Variants in ADGRB3 observed in about 807,000 individuals in gnomAD.
The protein encoded by ADGRB3 is brain-specific angiogenesis inhibitor 3.
In ADGRB3, 37 loss-of-function variants were observed where a neutral mutation model predicts 193.4. That is an observed-to-expected ratio of 0.19 (90% CI 0.15 to 0.25). ADGRB3 has a LOEUF of 0.25. Ranked by LOEUF, ADGRB3 falls within the 10% of genes least tolerant of loss-of-function variation. ADGRB3 has a pLI of 1.00. For missense variants in ADGRB3, 1,637 were observed against 1,852.9 expected, an observed-to-expected ratio of 0.88 and a Z score of 2.14; for synonymous variants, 690 against 644.2, an observed-to-expected ratio of 1.07 and a Z score of -1.08.
intron 3 of ADGRB3, among the ~76,000 whole-genome samples, chr6:68,877,135 G>T (rs771972310): frequency 6.6e-6 from 1 of 151,734 alleles, no homozygotes; most frequent in Non-Finnish European, 1.5e-5. Flanking sequence ...ATTACTTAAT[G>T]GGTAGCCTTT....
chr6:68,903,522 T>C (rs1766456742), intron 3 of ADGRB3, among the ~76,000 whole-genome samples: 1 of 152,162 alleles, frequency 6.6e-6, no homozygotes, highest in Non-Finnish European at 1.5e-5. Flanking sequence ...TCAGAATTTT[T>C]TAAATATAAA....
At chr6:69,383,395 C>G (rs747092101) in intron 31 of ADGRB3, among the ~76,000 whole-genome samples, 18 of 151,936 alleles carry the variant, frequency 1.2e-4, no homozygotes, top group Non-Finnish European at 2.1e-4. Context: ...AATTTTCGTA[C>G]ACACATCAAC....
chr6:68,853,285 C>A (rs185614959), intron 3 of ADGRB3, among the ~76,000 whole-genome samples: 302 of 151,968 alleles, frequency 2.0e-3, no homozygotes, highest in African/African-American at 2.8e-3. Context: ...TCAGAAAAAA[C>A]CAATTAACAT....
At chr6:68,943,505 A>G (rs1221215023) in intron 5 of ADGRB3, among the ~76,000 whole-genome samples, 1 of 152,124 alleles carries the variant, frequency 6.6e-6, no homozygotes, top group Admixed American at 6.6e-5. Context: ...TTACTAGTTG[A>G]TATTACTTCA....
intron 3 of ADGRB3, among the ~76,000 whole-genome samples, chr6:68,912,410 C>T (rs1766741097): frequency 6.6e-6 from 1 of 151,210 alleles, no homozygotes; most frequent in Non-Finnish European, 1.5e-5. Context: ...GGTACATGTG[C>T]ACAATGTGCA....
intron 20 of ADGRB3, among the ~76,000 whole-genome samples, chr6:69,311,468 C>T (rs1458219658): frequency 1.3e-5 from 2 of 151,692 alleles, no homozygotes; most frequent in Admixed American, 6.6e-5. Flanking sequence ...GGCTTCAATG[C>T]TTCTTAGCAA....
intron 20 of ADGRB3, among the ~76,000 whole-genome samples, chr6:69,283,242 A>C (rs994120891): frequency 6.6e-6 from 1 of 152,196 alleles, no homozygotes; most frequent in Non-Finnish European, 1.5e-5. Flanking sequence ...TAGTGACACA[A>C]TTAGAAAATG....
intron 17 of ADGRB3, among the ~76,000 whole-genome samples, chr6:69,112,034 TTAGGGAA>T (rs1303372249): frequency 1.3e-5 from 2 of 152,182 alleles, no homozygotes; most frequent in African/African-American, 4.8e-5. Context: ...TCTGTGATAT[TTAGGGAA>T]TAGGCTAAGC....
At chr6:68,809,899 T>G (rs1221170191) in intron 3 of ADGRB3, among the ~76,000 whole-genome samples, 1 of 152,204 alleles carries the variant, frequency 6.6e-6, no homozygotes, top group Non-Finnish European at 1.5e-5. Context: ...AAATTTAATG[T>G]CAGAAAATAC....
intron 3 of ADGRB3, among the ~76,000 whole-genome samples, chr6:68,886,060 G>A (rs1045215387): frequency 6.6e-6 from 1 of 152,078 alleles, no homozygotes; most frequent in Non-Finnish European, 1.5e-5. Context: ...ACAATTTTGT[G>A]CCCTATAAAC....
chr6:69,188,090 A>G (rs1765105723), intron 17 of ADGRB3, among the ~76,000 whole-genome samples: 1 of 152,186 alleles, frequency 6.6e-6, no homozygotes, highest in Non-Finnish European at 1.5e-5. Flanking sequence ...TTCTCAGATA[A>G]CTGTTAGGTG....
chr6:68,693,242 A>G (rs1765104634), intron 3 of ADGRB3, among the ~76,000 whole-genome samples: 1 of 151,866 alleles, frequency 6.6e-6, no homozygotes, highest in South Asian at 2.1e-4. Flanking sequence ...ACTTGATATC[A>G]CTGTTTTAAA....
At chr6:68,988,318 T>A (rs867823380) in intron 10 of ADGRB3, among the ~76,000 whole-genome samples, 4 of 152,028 alleles carry the variant, frequency 2.6e-5, no homozygotes, top group Middle Eastern at 3.4e-3. Flanking sequence ...AAAGAATTCG[T>A]GAAGGAGAAA....
chr6:68,803,795 T>C (rs898910671), intron 3 of ADGRB3, among the ~76,000 whole-genome samples: 1 of 152,200 alleles, frequency 6.6e-6, no homozygotes, highest in Admixed American at 6.6e-5. Flanking sequence ...TCTATTTACC[T>C]TCAGTTCAAT....
At chr6:68,881,810 T>C (rs992531861) in intron 3 of ADGRB3, among the ~76,000 whole-genome samples, 31 of 152,322 alleles carry the variant, frequency 2.0e-4, no homozygotes, top group African/African-American at 7.2e-4. Context: ...TGTGTGTGCT[T>C]CAGTTTAAAG....
intron 20 of ADGRB3, among the ~76,000 whole-genome samples, chr6:69,315,060 TA>T (rs1768283577): frequency 6.6e-6 from 1 of 151,616 alleles, no homozygotes; most frequent in African/African-American, 2.4e-5. Context: ...TGATTTAATA[TA>T]ATTTTTGTTT....
At chr6:68,707,776 C>T (rs1465513708) in intron 3 of ADGRB3, among the ~76,000 whole-genome samples, 1 of 152,108 alleles carries the variant, frequency 6.6e-6, no homozygotes, top group East Asian at 1.9e-4. Flanking sequence ...TAGTTATTAT[C>T]ATTCCCCCTA....
At chr6:69,131,831 G>A (rs990007921) in intron 17 of ADGRB3, among the ~76,000 whole-genome samples, 1 of 143,926 alleles carries the variant, frequency 6.9e-6, no homozygotes, top group African/African-American at 2.6e-5. Flanking sequence ...CTGTGTCCAT[G>A]TTTTCTCATT....
intron 17 of ADGRB3, among the ~76,000 whole-genome samples, chr6:69,173,930 T>A (rs1775355881): frequency 6.6e-6 from 1 of 152,220 alleles, no homozygotes. Flanking sequence ...GGTAATTTGT[T>A]CACCTCAAAA....
Sources: gnomAD v4.1 joint callset for allele counts (sites outside exome capture counted in the v4.1 genomes callset) on GRCh38, gnomAD v4.1.1 for gene constraint, MANE v1.5 for transcripts, NCBI Gene and HGNC (gene_info 2026-07-23, HGNC 2026-07-21) for gene names.